REELD1: variants seen among roughly 807,000 people sequenced by gnomAD.
REELD1 encodes reelin domain-containing protein 1.
Under a neutral mutation model 6.3 loss-of-function variants are expected in REELD1, and 12 were observed. That is an observed-to-expected ratio of 1.89 (90% CI 1.21 to 3.07). The LOEUF is 3.07. Among genes scored for constraint, REELD1 ranks in the 30% most tolerant of loss-of-function variants. The pLI is 0.00. For missense variants in REELD1, 163 were observed against 86.8 expected, an observed-to-expected ratio of 1.88 and a Z score of -3.49; for synonymous variants, 57 against 33.6, an observed-to-expected ratio of 1.70 and a Z score of -2.42.
At chr4:146,220,544 C>T (rs1730906482) in intron 3 of REELD1, among the ~76,000 whole-genome samples, 1 of 152,112 alleles carries the variant, frequency 6.6e-6, no homozygotes, top group African/African-American at 2.4e-5. Context: ...CATCTAGATC[C>T]TAAGATTTTT....
In REELD1 at chr4:146,232,017, G is replaced by C. The variant is rs562438876; in HGVS notation, c.*1504G>C. ...AGTACTGTAGTCTAATAAGGCCACAGATATCCCTTCTGTATGTCTAGCCCT... is the reference window on the plus strand; with the variant it reads ...AGTACTGTAGTCTAATAAGGCCACACATATCCCTTCTGTATGTCTAGCCCT... On this transcript the variant is annotated 3_prime_UTR_variant, in exon 8 of 8. Transcript: ENST00000623665. 2.0e-5 allele frequency: 3 copies of C among 152,300 alleles called. No homozygotes were observed. Among genetic ancestry groups the C allele is most frequent in the Admixed American group, 6.5e-5 (1 of 15,296 alleles). The allele number at this position is 152,300 out of a possible 1,614,324, so 9.4% of individuals were successfully genotyped here. A position where few individuals can be genotyped will look rare whatever the true frequency, so the allele number is the denominator to read the frequency against.
intron 4 of REELD1, 29 bp from the exon 5 acceptor site, chr4:146,224,416 G>C (rs926821823): frequency 1.8e-6 from 1 of 565,218 alleles, no homozygotes; most frequent in Non-Finnish European, 3.2e-6. Context: ...CTAAATCCGT[G>C]AACTGCTCTG....
intron 5 of REELD1, among the ~76,000 whole-genome samples, chr4:146,227,204 A>T (rs1731040879): frequency 6.6e-6 from 1 of 152,234 alleles, no homozygotes; most frequent in African/African-American, 2.4e-5. Flanking sequence ...GGTCTGCAGG[A>T]AATATCCAAA....
chr4:146,219,261 AG>A (rs1730878628), intron 3 of REELD1, among the ~76,000 whole-genome samples: 1 of 152,214 alleles, frequency 6.6e-6, no homozygotes, highest in Non-Finnish European at 1.5e-5. Flanking sequence ...AGGTATCCTG[AG>A]GGAAACACAA....
chr4:146,218,014 T>C (rs959955075), intron 3 of REELD1, among the ~76,000 whole-genome samples: 2 of 152,172 alleles, frequency 1.3e-5, no homozygotes, highest in Admixed American at 6.5e-5. Flanking sequence ...GGAAAGAACG[T>C]GAGCGCAGGT....
rs16998675 is a variant in REELD1, at chr4:146,217,041, C to A, written c.89C>A (p.Thr30Lys). The change falls in exon 3 of 8, where the codon ACG becomes AAG. Residue 30 changes from threonine (T) to lysine (K), a missense_variant. Coordinates refer to ENST00000623665, the MANE Select transcript of REELD1 (RefSeq NM_001354631.1). Reference sequence around the variant, plus strand: ...TCTGCCTTTTCCCATGGTGCCAGCACGGTGGCCTGTGATGACATGCAGCCC... The same window carrying A: ...TCTGCCTTTTCCCATGGTGCCAGCAAGGTGGCCTGTGATGACATGCAGCCC... ...CSSAFSHGAS[T>K]VACDDMQPKH... 7.5e-6 allele frequency: 3 copies of A among 398,766 alleles called. No homozygotes were observed. Among genetic ancestry groups the A allele is most frequent in the Non-Finnish European group, 1.3e-5 (3 of 226,276 alleles). The allele number at this position is 398,766 out of a possible 1,614,324, so 24.7% of individuals were successfully genotyped here.
In REELD1 at chr4:146,230,533, C is replaced by T. The variant is rs1731111322; in HGVS notation, c.*20C>T. On this transcript the variant is annotated 3_prime_UTR_variant, in exon 8 of 8. Coordinates refer to ENST00000623665, the MANE Select transcript of REELD1 (RefSeq NM_001354631.1). ...CTCTGAGAAGACTGTCACCCCAGAC[C>T]TCTCAGTGGCCCTCCTTGGGCCCTG... 1 of 398,494 alleles carries T rather than the reference C, an allele frequency of 2.5e-6. No homozygotes were observed. 24.7% of individuals were successfully genotyped at this position (398,494 alleles called of 1,614,324 possible).
chr4:146,219,202 A>G (rs1161387523), intron 3 of REELD1, among the ~76,000 whole-genome samples: 2 of 152,196 alleles, frequency 1.3e-5, no homozygotes, highest in African/African-American at 4.8e-5. Context: ...TATGTCAGTG[A>G]GAAAAATCTG....
At chr4:146,226,839 C>T (rs899249759) in intron 5 of REELD1, among the ~76,000 whole-genome samples, 3 of 152,198 alleles carry the variant, frequency 2.0e-5, no homozygotes, top group Non-Finnish European at 4.4e-5. Flanking sequence ...GATGCAGTCT[C>T]AGCTCACTAC....
chr4:146,232,018 A>T lies in REELD1; in HGVS notation c.*1505A>T, dbSNP rs1278042480. 6.6e-6 allele frequency: 1 copy of T among 152,222 alleles called. No individual in the cohort carries two copies. The highest frequency in any genetic ancestry group is 3.2e-3 in the Middle Eastern group (1 of 314). The allele number at this position is 152,222 out of a possible 1,614,324, so 9.4% of individuals were successfully genotyped here. ...GTACTGTAGTCTAATAAGGCCACAG[A>T]TATCCCTTCTGTATGTCTAGCCCTC... On this transcript the variant is annotated 3_prime_UTR_variant, in exon 8 of 8. Transcript: ENST00000623665.
At chr4:146,216,219 A>G (rs1730823223) in intron 2 of REELD1, among the ~76,000 whole-genome samples, 1 of 152,236 alleles carries the variant, frequency 6.6e-6, no homozygotes, top group Non-Finnish European at 1.5e-5. Context: ...CAAAAATAAA[A>G]TTTACTCTAT....
rs2110928834 is a variant in REELD1 at position 146,230,900 on chromosome 4, C to A, written c.*387C>A. On this transcript the variant is annotated 3_prime_UTR_variant, in exon 8 of 8. Coordinates refer to ENST00000623665, the MANE Select transcript of REELD1 (RefSeq NM_001354631.1). ...CCTTAGTGTCTCATCTCTTCTAACT[C>A]TTTGGGGAAAAAAAGTAATGTTGGG... The A allele has an allele frequency of 6.4e-6, 1 of 156,458 alleles. No homozygotes were observed. Among genetic ancestry groups the A allele is most frequent in the South Asian group, 2.1e-4 (1 of 4,866 alleles). 9.7% of individuals were successfully genotyped at this position (156,458 alleles called of 1,614,324 possible).
At chr4:146,218,664 C>G (rs1214516450) in intron 3 of REELD1, among the ~76,000 whole-genome samples, 1 of 152,144 alleles carries the variant, frequency 6.6e-6, no homozygotes, top group Non-Finnish European at 1.5e-5. Context: ...CAAACTTTGT[C>G]ACATCATGAC....
rs540477739 is a variant in REELD1 at position 146,225,548 on chromosome 4, C to T, written c.595+940C>T. Among the ~76,000 whole-genome samples the T allele has an allele frequency of 1.4e-4, 22 of 152,268 alleles. No individual in the cohort carries two copies. In the East Asian group the frequency reaches 4.2e-3, roughly 29 times the overall value. On this transcript the variant is annotated intron_variant, in intron 5 of 7. Coordinates refer to ENST00000623665, the MANE Select transcript of REELD1 (RefSeq NM_001354631.1). ...TCTTCTATTACCCAGCACAACTCCTCCAACCTTCCCACCAAGACACTCCTA... is the reference window on the plus strand; with the variant it reads ...TCTTCTATTACCCAGCACAACTCCTTCAACCTTCCCACCAAGACACTCCTA...
In REELD1 at chr4:146,228,338, G is replaced by T. The variant is rs1310994954; in HGVS notation, c.724G>T (p.Asp242Tyr). The change falls in exon 6 of 8, where the codon GAT (aspartate) becomes TAT (tyrosine). Residue 242 changes from aspartate (D) to tyrosine (Y), a missense_variant. Coordinates refer to ENST00000623665, the MANE Select transcript of REELD1 (RefSeq NM_001354631.1). ...ASIWVTKFPGDAETLSQPSSH... is the reference protein window; with the variant it reads ...ASIWVTKFPGYAETLSQPSSH... ...TATTTGGGTGACAAAGTTTCCTGGG[G>T]ATGCAGAGACTCTGTCCCAACCATC... The T allele has an allele frequency of 1.4e-6, 1 of 702,394 alleles. No homozygotes were observed. Among genetic ancestry groups the T allele is most frequent in the Non-Finnish European group, 2.6e-6 (1 of 384,996 alleles). 43.5% of individuals were successfully genotyped at this position (702,394 alleles called of 1,614,324 possible). A position where few individuals can be genotyped will look rare whatever the true frequency, so the allele number is the denominator to read the frequency against.
Position 146,230,741 on chromosome 4 carries a change from A to G in REELD1, c.*228A>G. 1 of 353,786 alleles carries G rather than the reference A, an allele frequency of 2.8e-6. No homozygotes were observed. The highest frequency in any genetic ancestry group is 5.1e-6 in the Non-Finnish European group (1 of 197,486). The allele number at this position is 353,786 out of a possible 1,614,324, so 21.9% of individuals were successfully genotyped here. On this transcript the variant is annotated 3_prime_UTR_variant, in exon 8 of 8. Coordinates refer to ENST00000623665, the MANE Select transcript of REELD1 (RefSeq NM_001354631.1). Reference sequence around the variant, plus strand: ...ATTGGGCTTCCTTCTTTCTTTTTGCAATTAGACGTTCTGTTTGAAGACTTA... The same window carrying G: ...ATTGGGCTTCCTTCTTTCTTTTTGCGATTAGACGTTCTGTTTGAAGACTTA...
intron 3 of REELD1, 57 bp downstream of exon 3, chr4:146,217,217 T>C: frequency 2.5e-6 from 1 of 398,812 alleles, no homozygotes; most frequent in Middle Eastern, 6.3e-4. Context: ...CCCATGGACC[T>C]TCCAGTTTGT....
At chr4:146,215,669 T>C (rs1158672841) in intron 2 of REELD1, among the ~76,000 whole-genome samples, 1 of 150,490 alleles carries the variant, frequency 6.6e-6, no homozygotes, top group Non-Finnish European at 1.5e-5. Context: ...TTTTTTTTTT[T>C]TGCCTTGCAT....
In REELD1 at chr4:146,220,926, C is replaced by T. The variant is rs1353764534; in HGVS notation, c.209-1431C>T. On this transcript the variant is annotated intron_variant, in intron 3 of 7. Transcript: ENST00000623665. Reference sequence around the variant, plus strand: ...TGCTAGCAGGGAATAAGCGGACAATCGCTGTTGGGTATTGGACATCAGTGT... The same window carrying T: ...TGCTAGCAGGGAATAAGCGGACAATTGCTGTTGGGTATTGGACATCAGTGT... Among the ~76,000 whole-genome samples the T allele has an allele frequency of 2.6e-5, 4 of 152,172 alleles. No homozygotes were observed. The East Asian group carries it at 5.8e-4, about 22-fold the overall frequency.
Sources: gnomAD v4.1 joint callset for allele counts (sites outside exome capture counted in the v4.1 genomes callset) on GRCh38, gnomAD v4.1.1 for gene constraint, MANE v1.5 for transcripts, NCBI Gene and HGNC (gene_info 2026-07-23, HGNC 2026-07-21) for gene names.